ARMH4: variants seen among roughly 807,000 people sequenced by gnomAD.
ARMH4 encodes the protein armadillo like helical domain containing 4.
A neutral mutation model predicts 61.9 loss-of-function variants in ARMH4; 49 were observed. That is an observed-to-expected ratio of 0.79 (90% CI 0.63 to 1.00). The LOEUF (loss-of-function observed/expected upper bound fraction) is 1.00. ARMH4 is among the 50% of genes least tolerant of loss of function. ARMH4 has a pLI of 0.00. For synonymous variants in ARMH4, 368 were observed against 341.5 expected, an observed-to-expected ratio of 1.08 and a Z score of -0.85; for missense variants, 934 against 930.0, an observed-to-expected ratio of 1.00 and a Z score of -0.06.
intron 4 of ARMH4, among the ~76,000 whole-genome samples, chr14:58,120,223 A>C (rs1379295497): frequency 6.6e-6 from 1 of 152,202 alleles, no homozygotes; most frequent in Non-Finnish European, 1.5e-5. Flanking sequence ...GAAAAGGTAC[A>C]GTAAAAGTAC....
intron 5 of ARMH4, among the ~76,000 whole-genome samples, chr14:58,041,224 G>A (rs933212032): frequency 1.3e-5 from 2 of 152,108 alleles, no homozygotes; most frequent in African/African-American, 4.8e-5. Flanking sequence ...CAAGGGAAGG[G>A]GTGACAAATG....
At chr14:58,103,706 A>T (rs1886077794) in intron 4 of ARMH4, among the ~76,000 whole-genome samples, 1 of 152,098 alleles carries the variant, frequency 6.6e-6, no homozygotes, top group East Asian at 1.9e-4. Context: ...CTCCCACCTC[A>T]GCCTCCCAAA....
At chr14:58,088,866 C>T (rs1260531225) in intron 5 of ARMH4, among the ~76,000 whole-genome samples, 1 of 152,058 alleles carries the variant, frequency 6.6e-6, no homozygotes, top group East Asian at 1.9e-4. Context: ...ATGGGGATTC[C>T]ATTCACAATG....
chr14:58,123,561 G>C (rs1224273899), intron 4 of ARMH4, among the ~76,000 whole-genome samples: 1 of 152,122 alleles, frequency 6.6e-6, no homozygotes, highest in African/African-American at 2.4e-5. Flanking sequence ...TGTCCCTCTA[G>C]ACCCAGCTGT....
At chr14:58,097,994 T>C (rs1885816444) in intron 4 of ARMH4, among the ~76,000 whole-genome samples, 1 of 152,174 alleles carries the variant, frequency 6.6e-6, no homozygotes, top group South Asian at 2.1e-4. Context: ...TCACCATGGA[T>C]GCACCTCTGA....
intron 4 of ARMH4, chr14:58,101,020 G>T: frequency 5.5e-6 from 1 of 181,294 alleles, no homozygotes; most frequent in South Asian, 1.4e-4. Context: ...GGGACACTAA[G>T]GCCCACATCA....
At chr14:58,039,595 C>T (rs1883613764) in intron 5 of ARMH4, among the ~76,000 whole-genome samples, 3 of 152,176 alleles carry the variant, frequency 2.0e-5, no homozygotes, top group African/African-American at 7.2e-5. Context: ...AGGGATTAGC[C>T]TCCCTGAACT....
chr14:58,133,129 C>A lies in ARMH4; in HGVS notation c.1582G>T (p.Val528Phe), dbSNP rs12886921. 755 of 1,614,156 alleles carry A rather than the reference C, an allele frequency of 4.7e-4. No individual in the cohort carries two copies. The highest frequency in any genetic ancestry group is 8.3e-4 in the Middle Eastern group (5 of 6,060). The change falls in exon 3 of 8, where the codon GTC (valine) becomes TTC (phenylalanine). Residue 528 changes from valine to phenylalanine, a missense_variant. Transcript: ENST00000267485. ...EPLATTISTTVVPLSFEVTPT... is the reference protein window; with the variant it reads ...EPLATTISTTFVPLSFEVTPT... ...GTAACTTCAAAAGACAAAGGGACGACTGTAGTTGAAATTGTAGTGGCCAGA... is the reference window on the plus strand; with the variant it reads ...GTAACTTCAAAAGACAAAGGGACGAATGTAGTTGAAATTGTAGTGGCCAGA...
At position 58,138,164 on chromosome 14, in the gene ARMH4, T is replaced by TA. The variant is rs748546122; in HGVS notation, c.1194dup (p.Thr399TyrfsTer46). The TA allele has an allele frequency of 5.6e-5, 91 of 1,614,036 alleles. No individual in the cohort carries two copies. Among genetic ancestry groups the TA allele is most frequent in the Non-Finnish European group, 7.6e-5 (90 of 1,180,030 alleles). ...ATGTCTTCCATCAGACTTGTGGGGG[T>TA]AAAGGAACTTTGATCAGTGAAAGCA... On this transcript the variant is annotated frameshift_variant, in exon 2 of 8. Coordinates refer to ENST00000267485, the MANE Select transcript of ARMH4 (RefSeq NM_001001872.4). LOFTEE classifies it high-confidence loss of function.
chr14:58,124,374 A>G (rs1886829691), intron 4 of ARMH4, among the ~76,000 whole-genome samples: 1 of 152,216 alleles, frequency 6.6e-6, no homozygotes, highest in Non-Finnish European at 1.5e-5. Context: ...TACCTGAGTA[A>G]GGAAATTGAT....
Position 58,138,014 on chromosome 14 carries a change from G to A in ARMH4, c.1345C>T (p.Gln449Ter), listed in dbSNP as rs1422903141. The A allele has an allele frequency of 1.2e-6, 2 of 1,610,306 alleles. No individual in the cohort carries two copies. Among genetic ancestry groups the A allele is most frequent in the East Asian group, 2.2e-5 (1 of 44,760 alleles). The change falls in exon 2 of 8, where the codon CAA becomes TAA. Residue 449 changes from glutamine (Q) to a stop codon, truncating the protein, a stop_gained. Coordinates refer to ENST00000267485, the MANE Select transcript of ARMH4 (RefSeq NM_001001872.4). LOFTEE classifies it high-confidence loss of function. The stretch of plus-strand genomic sequence containing the variant: ...CCTTTCATTGTATTTCCCAACAGTT[G>A]GTCTGCCTCAGACTCATATACAGAG... ...SVSVYESEAD[Q>*]LLGNTMKDII... is the part of the protein sequence containing the mutation.
intron 2 of ARMH4, 133 bp from the exon 3 acceptor site, chr14:58,133,474 C>T (rs1887197241): frequency 3.8e-6 from 3 of 798,748 alleles, no homozygotes; most frequent in South Asian, 3.7e-5. Flanking sequence ...AAAGAGAGAA[C>T]TCAGAAGTAA....
chr14:58,146,098 G>C (rs933847128), intron 1 of ARMH4, among the ~76,000 whole-genome samples: 13 of 152,232 alleles, frequency 8.5e-5, no homozygotes, highest in Admixed American at 5.2e-4. Context: ...TGAAGGCTAT[G>C]AGCCTTTCCT....
chr14:58,141,323 T>C, intron 1 of ARMH4: 1 of 469,630 alleles, frequency 2.1e-6, no homozygotes, highest in South Asian at 1.7e-5. Context: ...ACCATCACCC[T>C]TGAGGTCAAG....
At chr14:58,125,286 C>T (rs1886862964) in intron 4 of ARMH4, among the ~76,000 whole-genome samples, 1 of 152,082 alleles carries the variant, frequency 6.6e-6, no homozygotes, top group Non-Finnish European at 1.5e-5. Flanking sequence ...TGAGGACATA[C>T]TTTCCTCCTC....
intron 5 of ARMH4, among the ~76,000 whole-genome samples, chr14:58,058,869 C>A (rs1566561557): frequency 6.6e-6 from 1 of 152,194 alleles, no homozygotes; most frequent in Non-Finnish European, 1.5e-5. Flanking sequence ...AATAATTGCC[C>A]CAGAATGAAA....
At chr14:58,081,753 G>A (rs543337496) in intron 5 of ARMH4, among the ~76,000 whole-genome samples, 12 of 152,016 alleles carry the variant, frequency 7.9e-5, no homozygotes, top group East Asian at 7.8e-4. Context: ...TGATCCGCCC[G>A]CCTCGGTCTC....
chr14:58,093,186 A>T (rs537492560), intron 5 of ARMH4, among the ~76,000 whole-genome samples: 2 of 152,314 alleles, frequency 1.3e-5, no homozygotes, highest in South Asian at 4.1e-4. Context: ...AGGCCTCCCC[A>T]GCCCTGCAGA....
chr14:58,123,792 G>T (rs1244912290), intron 4 of ARMH4, among the ~76,000 whole-genome samples: 2 of 152,198 alleles, frequency 1.3e-5, no homozygotes, highest in African/African-American at 4.8e-5. Flanking sequence ...ATTAGCCCAA[G>T]ACTTGAGCCA....
Sources: gnomAD v4.1 joint callset for allele counts (sites outside exome capture counted in the v4.1 genomes callset) on GRCh38, gnomAD v4.1.1 for gene constraint, MANE v1.5 for transcripts, NCBI Gene and HGNC (gene_info 2026-07-23, HGNC 2026-07-21) for gene names.